ELF4: variants seen among roughly 807,000 people sequenced by gnomAD.
ELF4 encodes the protein ETS-related transcription factor Elf-4.
ELF4 carries 10 observed loss-of-function variants against 31.7 expected under a neutral mutation model. That is an observed-to-expected ratio of 0.32 (90% CI 0.19 to 0.54). ELF4 has a LOEUF of 0.54. Ranked by LOEUF, ELF4 falls within the 20% of genes least tolerant of loss-of-function variation. ELF4 has a pLI of 0.95. For missense variants in ELF4, 418 were observed against 522.0 expected (o/e 0.80, Z 1.94); for synonymous variants, 208 against 226.7 (o/e 0.92, Z 0.74).
intron 1 of ELF4, among the ~76,000 whole-genome samples, chrX:130,099,174 C>T (rs960765271): frequency 8.9e-6 from 1 of 112,223 alleles, no homozygotes; most frequent in South Asian, 3.6e-4. Flanking sequence ...ACAGGGCTCT[C>T]GCAGCCTCGG....
rs147560759 is a variant in ELF4 at position 130,068,807 on chromosome X, C to T, written c.1187+493G>A. Among the ~76,000 whole-genome samples the T allele has an allele frequency of 7.0e-3, 786 of 112,438 alleles. 7 individuals carry two copies. Among genetic ancestry groups the T allele is most frequent in the African/African-American group, 0.024 (730 of 30,959 alleles). Reference sequence around the variant, plus strand: ...GGGGAGCCCCTCTCGTGTAAGCCCCCGGATGTGTGACCTCAGGCAAGTGAC... The same window carrying T: ...GGGGAGCCCCTCTCGTGTAAGCCCCTGGATGTGTGACCTCAGGCAAGTGAC... On this transcript the variant is annotated intron_variant, in intron 8 of 8. Transcript: ENST00000308167.
Position 130,067,140 on chromosome X carries a change from T to G in ELF4, c.1573A>C (p.Ile525Leu). 1 of 1,200,888 alleles carries G rather than the reference T, an allele frequency of 8.3e-7. No individual in the cohort carries two copies. The highest frequency in any genetic ancestry group is 1.1e-6 in the Non-Finnish European group (1 of 889,237). ...GCTGCTGTAGTGCCAGAAGTCCTGA[T>G]GAAGGCAGCAATGACAGTCCCAGGG... The part of the protein sequence containing the change: ...QPPGTVIAAF[I>L]RTSGTTAAPR... Residue 525 changes from isoleucine (I) to leucine (L), a missense_variant, in exon 9 of 9, where the codon ATC (isoleucine) becomes CTC (leucine). Ile to Leu is a conservative substitution (Grantham distance 5). This residue lies in a region of ELF4 where 260 missense variants were observed against 269.2 expected (regional missense o/e 0.97). Coordinates refer to ENST00000308167, the MANE Select transcript of ELF4 (RefSeq NM_001421.4).
chrX:130,070,683 A>G (rs190387506), intron 7 of ELF4, among the ~76,000 whole-genome samples: 12 of 105,935 alleles, frequency 1.1e-4, no homozygotes, highest in African/African-American at 3.8e-4. Context: ...GAGGCATGAG[A>G]ATCGCTTGAA....
intron 1 of ELF4, among the ~76,000 whole-genome samples, chrX:130,109,099 G>T (rs1933427049): frequency 8.9e-6 from 1 of 112,805 alleles, no homozygotes. Context: ...GGCATTTTCA[G>T]TGCCAAAGTC....
intron 7 of ELF4, among the ~76,000 whole-genome samples, chrX:130,070,800 A>AAAGAAAGG (rs1932780467): frequency 9.7e-6 from 1 of 103,577 alleles, no homozygotes; most frequent in South Asian, 4.7e-4. Flanking sequence ...AGAAAGAAAG[A>AAAGAAAGG]AAGAAAGAAA....
intron 1 of ELF4, among the ~76,000 whole-genome samples, chrX:130,083,573 T>G (rs1932917712): frequency 9.0e-6 from 1 of 111,686 alleles, no homozygotes. Context: ...GGCTTGCTCA[T>G]CTCTTCTTTC....
At chrX:130,088,185 G>A (rs1450281580) in intron 1 of ELF4, among the ~76,000 whole-genome samples, 9 of 110,320 alleles carry the variant, frequency 8.2e-5, no homozygotes, top group Non-Finnish European at 1.1e-4. Flanking sequence ...CTGAGATCGC[G>A]CCACTGCACT....
intron 1 of ELF4, among the ~76,000 whole-genome samples, chrX:130,082,710 C>T (rs754919201): frequency 9.0e-6 from 1 of 110,765 alleles, no homozygotes; most frequent in East Asian, 2.9e-4. Flanking sequence ...CCTCCCACAG[C>T]CCCAGCCCTC....
intron 2 of ELF4, among the ~76,000 whole-genome samples, chrX:130,079,228 C>T (rs1324110682): frequency 2.7e-5 from 3 of 110,534 alleles, no homozygotes; most frequent in Admixed American, 9.7e-5. Flanking sequence ...GAGGGCGAGG[C>T]GGGTGGATCA....
intron 7 of ELF4, among the ~76,000 whole-genome samples, chrX:130,070,787 A>AAAAAAGAAAG (rs1556186609): frequency 1.1e-5 from 1 of 92,726 alleles, no homozygotes; most frequent in Non-Finnish European, 2.1e-5. Flanking sequence ...AAAAAAAAAA[A>AAAAAAGAAAG]AAAGAAAGAA....
intron 1 of ELF4, among the ~76,000 whole-genome samples, chrX:130,085,025 G>A (rs1932940786): frequency 8.9e-6 from 1 of 112,295 alleles, no homozygotes; most frequent in African/African-American, 3.2e-5. Context: ...AGACAAATCA[G>A]GGAGCACACA....
chrX:130,089,669 T>C (rs758247101), intron 1 of ELF4, among the ~76,000 whole-genome samples: 3 of 111,573 alleles, frequency 2.7e-5, no homozygotes, highest in Non-Finnish European at 5.6e-5. Context: ...GTGACACAGC[T>C]AGTTGCACTG....
At chrX:130,108,798 C>T (rs764137955) in intron 1 of ELF4, among the ~76,000 whole-genome samples, 30 of 110,106 alleles carry the variant, frequency 2.7e-4, no homozygotes, top group Non-Finnish European at 3.8e-4. Context: ...TAGCATGGAG[C>T]CTGCTTCATG....
At chrX:130,097,133 TAAAA>T (rs754452744) in intron 1 of ELF4, among the ~76,000 whole-genome samples, 4 of 74,402 alleles carry the variant, frequency 5.4e-5, no homozygotes, top group Non-Finnish European at 7.7e-5. Context: ...CCATCTCTAT[TAAAA>T]AAAAAAAAAA....
chrX:130,064,976 T>G lies in ELF4; in HGVS notation c.*1745A>C, dbSNP rs1201537231. 6.0e-6 allele frequency: 1 copy of G among 168,003 alleles called. No individual in the cohort carries two copies. Among genetic ancestry groups the G allele is most frequent in the Non-Finnish European group, 1.1e-5 (1 of 87,219 alleles). 13.8% of individuals were successfully genotyped at this position (168,003 alleles called of 1,213,427 possible). A position where few individuals can be genotyped will look rare whatever the true frequency, so the allele number is the denominator to read the frequency against. On this transcript the variant is annotated 3_prime_UTR_variant, in exon 9 of 9. Coordinates refer to ENST00000308167, the MANE Select transcript of ELF4 (RefSeq NM_001421.4). ...TAGAAAAAGGCACTTTAATGCCAAC[T>G]GCTGGAAACACGCATAGTAAATACA...
chrX:130,077,595 C>G (rs1437693075), intron 2 of ELF4, among the ~76,000 whole-genome samples: 2 of 112,583 alleles, frequency 1.8e-5, no homozygotes, highest in African/African-American at 3.2e-5. Context: ...CACCTGGCCT[C>G]ATTCCAGAGA....
At chrX:130,086,356 G>C (rs1932960124) in intron 1 of ELF4, among the ~76,000 whole-genome samples, 1 of 112,130 alleles carries the variant, frequency 8.9e-6, no homozygotes, top group African/African-American at 3.2e-5. Flanking sequence ...TGGGCCCAGG[G>C]TTCTTCCCCA....
intron 1 of ELF4, among the ~76,000 whole-genome samples, chrX:130,098,046 C>G (rs766080214): frequency 4.1e-4 from 46 of 112,281 alleles, no homozygotes; most frequent in African/African-American, 1.4e-3. Flanking sequence ...CTGGCCCAGA[C>G]AGCCTGCCCA....
In ELF4 at chrX:130,067,408, A is replaced by G; in HGVS notation, c.1305T>C (p.Ser435=). ...TTVLTNGPPA[S]TTAPTQLVLQ... is the part of the protein sequence containing the mutation. Reference sequence around the variant, plus strand: ...GAACGAGCTGAGTGGGAGCAGTAGTACTGGCAGGAGGCCCATTGGTCAGCA... The same window carrying G: ...GAACGAGCTGAGTGGGAGCAGTAGTGCTGGCAGGAGGCCCATTGGTCAGCA... The change falls in exon 9 of 9, where the codon AGT becomes AGC. Residue 435 remains serine (S), a synonymous_variant. Coordinates refer to ENST00000308167, the MANE Select transcript of ELF4 (RefSeq NM_001421.4). 8.2e-7 allele frequency: 1 copy of G among 1,212,190 alleles called. No homozygotes were observed. Among genetic ancestry groups the G allele is most frequent in the African/African-American group, 1.7e-5 (1 of 57,919 alleles).
Sources: allele counts gnomAD v4.1 joint callset (sites outside exome capture counted in the v4.1 genomes callset), GRCh38; gene constraint gnomAD v4.1.1; regional missense constraint gnomAD v4.1.1; transcripts MANE v1.5; gene names NCBI Gene and HGNC (gene_info 2026-07-23, HGNC 2026-07-21).